FOXK2: variants seen among roughly 807,000 people sequenced by gnomAD.
FOXK2 encodes forkhead box protein K2.
FOXK2 carries 24 observed loss-of-function variants against 53.3 expected under a neutral mutation model. The ratio of observed to expected loss-of-function variants is 0.45; its 90% confidence interval spans 0.33 to 0.63. The LOEUF (loss-of-function observed/expected upper bound fraction) is 0.63. Ranked by LOEUF, FOXK2 falls within the 30% of genes least tolerant of loss-of-function variation. FOXK2 has a pLI of 0.03. For missense variants in FOXK2, 952 were observed against 910.5 expected (o/e 1.05, Z -0.59); for synonymous variants, 505 against 407.1 (o/e 1.24, Z -2.89).
intron 1 of FOXK2, among the ~76,000 whole-genome samples, chr17:82,524,050 G>A (rs1405085203): frequency 6.6e-6 from 1 of 151,950 alleles, no homozygotes; most frequent in African/African-American, 2.4e-5. Flanking sequence ...CCCACCACCA[G>A]GCCTGGCTTT....
intron 1 of FOXK2, among the ~76,000 whole-genome samples, chr17:82,540,461 A>G (rs938060252): frequency 3.3e-5 from 5 of 152,116 alleles, no homozygotes; most frequent in Non-Finnish European, 5.9e-5. Flanking sequence ...AAGCCTTTCC[A>G]GTGATCCCAT....
At chr17:82,530,614 A>C (rs2044464682) in intron 1 of FOXK2, among the ~76,000 whole-genome samples, 1 of 150,548 alleles carries the variant, frequency 6.6e-6, no homozygotes, top group Non-Finnish European at 1.5e-5. Flanking sequence ...GGGTTCAAAC[A>C]ATTCTCCTGC....
At chr17:82,552,781 AG>A (rs1487049083) in intron 1 of FOXK2, among the ~76,000 whole-genome samples, 5 of 152,058 alleles carry the variant, frequency 3.3e-5, no homozygotes, top group Non-Finnish European at 7.4e-5. Flanking sequence ...GTGGTTGAAG[AG>A]CAGCATCCCA....
intron 4 of FOXK2, among the ~76,000 whole-genome samples, chr17:82,582,159 T>C (rs1010542313): frequency 2.6e-5 from 4 of 152,180 alleles, no homozygotes; most frequent in African/African-American, 9.7e-5. Flanking sequence ...TCAGCTCTGT[T>C]TGTCTCCAAG....
intron 3 of FOXK2, 83 bp downstream of exon 3, chr17:82,568,284 C>A: frequency 4.0e-6 from 6 of 1,509,824 alleles, no homozygotes; most frequent in Non-Finnish European, 5.4e-6. Context: ...CTGTCACTCA[C>A]CTGCCTGTCC....
intron 6 of FOXK2, chr17:82,585,363 C>G (rs1356253275): frequency 6.6e-6 from 1 of 151,546 alleles, no homozygotes; most frequent in Non-Finnish European, 1.5e-5. Context: ...CTTGCTCTGT[C>G]ACTCATGCTG....
intron 8 of FOXK2, among the ~76,000 whole-genome samples, chr17:82,592,596 C>G (rs78554196): frequency 6.6e-6 from 1 of 152,220 alleles, no homozygotes. Context: ...TCGCTTCTTT[C>G]GTTAACATTG....
rs960773774 is a variant in FOXK2, at chr17:82,543,552, AT to A, written c.420-19801del. On this transcript the variant is annotated intron_variant, in intron 1 of 8. Transcript: ENST00000335255. The stretch of plus-strand genomic sequence containing the variant: ...TGGCAGCTTCTCTTTGCTTGTTTGA[AT>A]AGTTCTGGGCTCTGCTCTGAGAATG... Among the ~76,000 whole-genome samples the A allele has an allele frequency of 7.9e-5, 12 of 152,302 alleles. No individual in the cohort carries two copies. In the South Asian group the frequency reaches 8.3e-4, roughly 11 times the overall value.
At chr17:82,581,852 C>T (rs555811990) in intron 4 of FOXK2, among the ~76,000 whole-genome samples, 58 of 152,190 alleles carry the variant, frequency 3.8e-4, no homozygotes, top group African/African-American at 1.1e-3. Flanking sequence ...TCAACTGAGC[C>T]GCTGCGCCCG....
intron 1 of FOXK2, among the ~76,000 whole-genome samples, chr17:82,528,966 A>T (rs1244351679): frequency 1.3e-5 from 2 of 152,152 alleles, no homozygotes; most frequent in Non-Finnish European, 2.9e-5. Context: ...GTTGGCATAG[A>T]CTGGGAGGAC....
intron 8 of FOXK2, among the ~76,000 whole-genome samples, chr17:82,597,893 G>A (rs942626486): frequency 6.6e-6 from 1 of 152,048 alleles, no homozygotes; most frequent in Non-Finnish European, 1.5e-5. Context: ...CAGGTGATCC[G>A]CCCACCTTGA....
chr17:82,525,698 T>C (rs557034234), intron 1 of FOXK2, among the ~76,000 whole-genome samples: 28 of 152,318 alleles, frequency 1.8e-4, no homozygotes, highest in Admixed American at 1.8e-3. Context: ...TTCTGATCAG[T>C]AAGATCCCAG....
intron 1 of FOXK2, among the ~76,000 whole-genome samples, chr17:82,551,220 G>A (rs1218778506): frequency 6.6e-6 from 1 of 152,096 alleles, no homozygotes; most frequent in Non-Finnish European, 1.5e-5. Context: ...GGGAGGCTGA[G>A]GCAGGAGAAT....
chr17:82,599,017 C>G (rs989680362), intron 8 of FOXK2: 6 of 152,244 alleles, frequency 3.9e-5, no homozygotes, highest in African/African-American at 1.4e-4. Flanking sequence ...CTCCCCTGCC[C>G]TCTCGTTGGG....
At chr17:82,544,193 G>T (rs868731399) in intron 1 of FOXK2, among the ~76,000 whole-genome samples, 2 of 152,158 alleles carry the variant, frequency 1.3e-5, no homozygotes, top group South Asian at 2.1e-4. Flanking sequence ...GATTATAGGC[G>T]TGAGCCACTG....
intron 1 of FOXK2, among the ~76,000 whole-genome samples, chr17:82,529,108 A>G (rs1157702474): frequency 6.6e-6 from 1 of 151,608 alleles, no homozygotes; most frequent in Non-Finnish European, 1.5e-5. Flanking sequence ...AAAGTTGGTT[A>G]TGACTCTTGG....
chr17:82,534,476 T>C (rs2044501955), intron 1 of FOXK2, among the ~76,000 whole-genome samples: 2 of 152,198 alleles, frequency 1.3e-5, no homozygotes, highest in South Asian at 4.1e-4. Flanking sequence ...GCTCTTCTGC[T>C]TCTCCTGCAG....
intron 1 of FOXK2, among the ~76,000 whole-genome samples, chr17:82,562,346 C>T (rs7207174): frequency 0.17 from 25,982 of 152,102 alleles, 2,783 homozygotes; most frequent in East Asian, 0.39. Context: ...TTTGGGAAGC[C>T]GAGGTGGGCG....
chr17:82,557,053 CAG>C (rs1394230156), intron 1 of FOXK2, among the ~76,000 whole-genome samples: 3 of 147,478 alleles, frequency 2.0e-5, no homozygotes, highest in Non-Finnish European at 3.0e-5. Context: ...TTTTTTGAGA[CAG>C]AGTTGCTCTT....
Sources: allele counts gnomAD v4.1 joint callset (sites outside exome capture counted in the v4.1 genomes callset), GRCh38; gene constraint gnomAD v4.1.1; transcripts MANE v1.5; gene names NCBI Gene and HGNC (gene_info 2026-07-23, HGNC 2026-07-21).